The following RORA variants were observed in gnomAD, a reference collection of about 807,000 sequenced individuals.
RORA encodes the protein RAR related orphan receptor A, also known as nuclear receptor ROR-alpha.
RORA carries 7 observed loss-of-function variants against 69.5 expected under a neutral mutation model. The ratio of observed to expected loss-of-function variants is 0.10; its 90% CI spans 0.06 to 0.19. RORA has a LOEUF of 0.19. RORA is among the 10% of genes least tolerant of loss of function. The pLI is 1.00. For missense variants in RORA, 457 were observed against 663.0 expected (o/e 0.69, Z 3.41); for synonymous variants, 261 against 240.8 (o/e 1.08, Z -0.78).
At chr15:60,880,383 A>G (rs941654657) in intron 1 of RORA, among the ~76,000 whole-genome samples, 1 of 152,202 alleles carries the variant, frequency 6.6e-6, no homozygotes, top group Non-Finnish European at 1.5e-5. Context: ...GCTCATGCCT[A>G]TAATCCCAGC....
intron 1 of RORA, among the ~76,000 whole-genome samples, chr15:61,007,715 G>C (rs1411701696): frequency 6.7e-6 from 1 of 148,424 alleles, no homozygotes; most frequent in Non-Finnish European, 1.5e-5. Context: ...ATGTTATATA[G>C]GCTAATATTA....
At chr15:60,510,932 A>G (rs2065675962) in intron 5 of RORA, among the ~76,000 whole-genome samples, 1 of 152,034 alleles carries the variant, frequency 6.6e-6, no homozygotes, top group Non-Finnish European at 1.5e-5. Flanking sequence ...AAAGTAAACC[A>G]CTAATGAAGT....
intron 1 of RORA, among the ~76,000 whole-genome samples, chr15:60,955,705 A>G (rs777852461): frequency 6.6e-6 from 1 of 152,240 alleles, no homozygotes; most frequent in Non-Finnish European, 1.5e-5. Context: ...TGGCCCCCAT[A>G]TATGCTCTAT....
intron 10 of RORA, among the ~76,000 whole-genome samples, chr15:60,497,828 G>C (rs550736160): frequency 6.6e-6 from 1 of 152,182 alleles, no homozygotes; most frequent in South Asian, 2.1e-4. Flanking sequence ...GGAGGCCGAG[G>C]CGGTTGGATT....
In RORA at chr15:60,492,230, A is replaced by G. The variant is rs1157836592; in HGVS notation, c.*5225T>C. 2 of 152,228 alleles carry G rather than the reference A, an allele frequency of 1.3e-5. No homozygotes were observed. Among genetic ancestry groups the G allele is most frequent in the African/African-American group, 2.4e-5 (1 of 41,472 alleles). 9.4% of individuals were successfully genotyped at this position (152,228 alleles called of 1,614,324 possible). ...TGAATGTGTATCCCAAGGTGGAAGA[A>G]TCAGAGCCAACAATTACATTGAACT... On this transcript the variant is annotated 3_prime_UTR_variant, in exon 11 of 11. Transcript: ENST00000335670.
chr15:61,172,973 CA>C (rs1441100696), intron 1 of RORA, among the ~76,000 whole-genome samples: 9 of 152,200 alleles, frequency 5.9e-5, no homozygotes, highest in Non-Finnish European at 1.0e-4. Flanking sequence ...TGCTACCAAA[CA>C]AAATTACCTG....
Position 60,896,421 on chromosome 15 carries a change from A to C in RORA, c.167-217735T>G, listed in dbSNP as rs146077142. ...CATTTCTAAACTTTCCATTTCCTCC[A>C]TTAGACCCTTTAAAAACATCCATTT... On this transcript the variant is annotated intron_variant, in intron 1 of 10. Coordinates refer to ENST00000335670, the MANE Select transcript of RORA (RefSeq NM_134261.3). 2.0e-3 allele frequency among the ~76,000 whole-genome samples: 301 copies of C among 152,306 alleles called. 1 individual carries two copies. Among genetic ancestry groups the C allele is most frequent in the African/African-American group, 6.5e-3 (272 of 41,560 alleles).
chr15:60,653,709 C>T lies in RORA; in HGVS notation c.196+24948G>A, dbSNP rs339997. Among the ~76,000 whole-genome samples, 634 of 152,226 alleles carry T rather than the reference C, an allele frequency of 4.2e-3. 3 individuals carry two copies. Among genetic ancestry groups the T allele is most frequent in the African/African-American group, 0.014 (576 of 41,530 alleles). On this transcript the variant is annotated intron_variant, in intron 2 of 10. Coordinates refer to ENST00000335670, the MANE Select transcript of RORA (RefSeq NM_134261.3). ...AATGGACTTTTCATGGCACTGTCTA[C>T]TTTCAGAGGCTTTCTCAGCTCAGAG...
chr15:60,885,135 C>G (rs2073737273), intron 1 of RORA, among the ~76,000 whole-genome samples: 1 of 152,192 alleles, frequency 6.6e-6, no homozygotes, highest in African/African-American at 2.4e-5. Flanking sequence ...GGCCTTGAAT[C>G]TGGACTGGTC....
At chr15:61,146,782 T>C (rs2079353654) in intron 1 of RORA, among the ~76,000 whole-genome samples, 1 of 152,220 alleles carries the variant, frequency 6.6e-6, no homozygotes, top group Non-Finnish European at 1.5e-5. Context: ...ACCAGTCACT[T>C]GCTACCTGCT....
intron 2 of RORA, among the ~76,000 whole-genome samples, chr15:60,615,960 G>A (rs1260072020): frequency 6.6e-6 from 1 of 152,176 alleles, no homozygotes; most frequent in African/African-American, 2.4e-5. Flanking sequence ...TTATGAGCAT[G>A]TCTCATTTGG....
chr15:60,614,780 T>A, intron 2 of RORA: 1 of 806,996 alleles, frequency 1.2e-6, no homozygotes, highest in Non-Finnish European at 1.9e-6. Flanking sequence ...ATACTTAATA[T>A]TTATAGTAAT....
intron 1 of RORA, among the ~76,000 whole-genome samples, chr15:61,170,005 C>T (rs963123785): frequency 3.9e-5 from 6 of 152,166 alleles, no homozygotes; most frequent in African/African-American, 1.4e-4. Flanking sequence ...AGCGTGTGTA[C>T]TAGAATTGGA....
At chr15:60,997,669 T>A (rs1275397284) in intron 1 of RORA, among the ~76,000 whole-genome samples, 1 of 152,302 alleles carries the variant, frequency 6.6e-6, no homozygotes, top group East Asian at 1.9e-4. Flanking sequence ...CACATGATAG[T>A]TATGGCTTAA....
intron 1 of RORA, among the ~76,000 whole-genome samples, chr15:60,784,422 G>C (rs1201860494): frequency 6.6e-6 from 1 of 152,172 alleles, no homozygotes; most frequent in Non-Finnish European, 1.5e-5. Flanking sequence ...GTGGCAAAAA[G>C]TTCTGGTCCT....
chr15:60,994,393 T>G (rs7168382), intron 1 of RORA, among the ~76,000 whole-genome samples: 38,606 of 152,154 alleles, frequency 0.25, 6,605 homozygotes, highest in African/African-American at 0.49. Flanking sequence ...AAACTGAATG[T>G]AACGTAACCA....
At chr15:60,985,582 C>CTTTTTTTTTT (rs11451387) in intron 1 of RORA, among the ~76,000 whole-genome samples, 8 of 100,844 alleles carry the variant, frequency 7.9e-5, no homozygotes, top group Admixed American at 1.3e-4. Flanking sequence ...AACTCATCCT[C>CTTTTTTTTTT]TTTTTTTTTT....
At chr15:60,947,021 G>A (rs1892905212) in intron 1 of RORA, among the ~76,000 whole-genome samples, 2 of 132,390 alleles carry the variant, frequency 1.5e-5, no homozygotes, top group Non-Finnish European at 1.7e-5. Context: ...GGAGGTGGGG[G>A]GCCAGCCCCC....
intron 1 of RORA, among the ~76,000 whole-genome samples, chr15:61,106,800 GC>G (rs2078953794): frequency 6.6e-6 from 1 of 152,250 alleles, no homozygotes; most frequent in South Asian, 2.1e-4. Context: ...TGAATCTTCT[GC>G]CGCAGGTTTA....
Sources: allele counts gnomAD v4.1 joint callset (sites outside exome capture counted in the v4.1 genomes callset), GRCh38; gene constraint gnomAD v4.1.1; transcripts MANE v1.5; gene names NCBI Gene and HGNC (gene_info 2026-07-23, HGNC 2026-07-21).